DACH2: variants seen among roughly 807,000 people sequenced by gnomAD.
DACH2 encodes dachshund family transcription factor 2.
A neutral mutation model predicts 35.8 loss-of-function variants in DACH2; 17 were observed. The ratio of observed to expected loss-of-function variants is 0.48; its 90% CI spans 0.33 to 0.71. The LOEUF is 0.71. DACH2 is among the 30% of genes least tolerant of loss of function. DACH2 has a pLI of 0.02. For missense variants in DACH2, 469 were observed against 472.7 expected, an observed-to-expected ratio of 0.99 and a Z score of 0.07; for synonymous variants, 195 against 177.3, an observed-to-expected ratio of 1.10 and a Z score of -0.79.
chrX:86,210,542 A>T lies in DACH2; in HGVS notation c.488+61434A>T, dbSNP rs193273346. On this transcript the variant is annotated intron_variant, in intron 1 of 11. Coordinates refer to ENST00000373125, the MANE Select transcript of DACH2 (RefSeq NM_053281.3). ...ACTTTGGTTTTGCAAACTTCTGTTT[A>T]AGATTTCTTTGATAGTGAATTAAAA... Among the ~76,000 whole-genome samples the T allele has an allele frequency of 6.2e-3, 699 of 112,006 alleles. 6 individuals are homozygous for T. Among genetic ancestry groups the T allele is most frequent in the African/African-American group, 0.022 (667 of 30,887 alleles).
At chrX:86,605,667 T>C (rs371390625) in intron 3 of DACH2, among the ~76,000 whole-genome samples, 29 of 111,268 alleles carry the variant, frequency 2.6e-4, no homozygotes, top group East Asian at 2.5e-3. Context: ...TTGTTTTTCT[T>C]ATTCCAATTA....
At chrX:86,628,717 A>G (rs1163859736) in intron 3 of DACH2, among the ~76,000 whole-genome samples, 1 of 112,145 alleles carries the variant, frequency 8.9e-6, no homozygotes, top group Non-Finnish European at 1.9e-5. Context: ...GCAACAGAGC[A>G]TGACACTGGT....
chrX:86,779,210 A>C, intron 7 of DACH2, among the ~76,000 whole-genome samples: 1 of 112,097 alleles, frequency 8.9e-6, no homozygotes, highest in Non-Finnish European at 1.9e-5. Flanking sequence ...GTGGAGACTA[A>C]AGACATTCTA....
intron 1 of DACH2, among the ~76,000 whole-genome samples, chrX:86,170,761 C>T (rs5923492): frequency 0.29 from 32,030 of 111,278 alleles, 3,642 homozygotes; most frequent in Non-Finnish European, 0.34. Context: ...TTTATTTTGC[C>T]AAGGCTAAGC....
intron 2 of DACH2, among the ~76,000 whole-genome samples, chrX:86,486,534 G>A (rs1332925829): frequency 1.8e-5 from 2 of 110,628 alleles, no homozygotes; most frequent in Admixed American, 9.7e-5. Context: ...AATCTCCAAG[G>A]GAGATGGCCA....
At chrX:86,499,571 T>A (rs951397857) in intron 2 of DACH2, among the ~76,000 whole-genome samples, 1 of 111,893 alleles carries the variant, frequency 8.9e-6, no homozygotes, top group Non-Finnish European at 1.9e-5. Flanking sequence ...AACTCCCAAA[T>A]CTGTTGTAAC....
At chrX:86,425,483 G>A (rs994639478) in intron 2 of DACH2, among the ~76,000 whole-genome samples, 1 of 110,580 alleles carries the variant, frequency 9.0e-6, no homozygotes, top group Non-Finnish European at 1.9e-5. Context: ...GCTCATAACA[G>A]CCACTAATGA....
chrX:86,212,036 T>C (rs185302184), intron 1 of DACH2, among the ~76,000 whole-genome samples: 3 of 111,826 alleles, frequency 2.7e-5, no homozygotes, highest in East Asian at 2.8e-4. Flanking sequence ...CTGAATTGCA[T>C]TGAATGGTAT....
intron 2 of DACH2, among the ~76,000 whole-genome samples, chrX:86,483,079 G>T (rs1289515894): frequency 9.5e-6 from 1 of 105,487 alleles, no homozygotes; most frequent in Non-Finnish European, 1.9e-5. Context: ...CATGGCACAT[G>T]TATACGTATG....
chrX:86,686,586 A>G (rs1845639158), intron 4 of DACH2, among the ~76,000 whole-genome samples: 2 of 111,676 alleles, frequency 1.8e-5, no homozygotes, highest in Admixed American at 1.9e-4. Flanking sequence ...ACATAATACC[A>G]AGATAAATAT....
At chrX:86,702,490 G>A (rs780621431) in intron 5 of DACH2, among the ~76,000 whole-genome samples, 3 of 111,265 alleles carry the variant, frequency 2.7e-5, no homozygotes, top group Non-Finnish European at 5.7e-5. Context: ...GAAAAAGTTG[G>A]TTCTGTGAAA....
chrX:86,548,961 T>C (rs753207965), intron 3 of DACH2, among the ~76,000 whole-genome samples: 1 of 112,058 alleles, frequency 8.9e-6, no homozygotes, highest in East Asian at 2.8e-4. Context: ...GGAGCATTTT[T>C]TGAGTGATCT....
intron 1 of DACH2, among the ~76,000 whole-genome samples, chrX:86,368,688 G>T (rs2035841541): frequency 9.2e-6 from 1 of 108,351 alleles, no homozygotes; most frequent in African/African-American, 3.4e-5. Context: ...TCAGCCTCCT[G>T]AGTATCTAGG....
chrX:86,741,144 C>T (rs1382504083), intron 7 of DACH2, among the ~76,000 whole-genome samples: 1 of 111,590 alleles, frequency 9.0e-6, no homozygotes, highest in East Asian at 2.8e-4. Context: ...ATAGCGATTG[C>T]TTTCAGCCTT....
In DACH2 at chrX:86,571,345, G is replaced by T. The variant is rs1057503127; in HGVS notation, c.640+56954G>T. 9.1e-5 allele frequency among the ~76,000 whole-genome samples: 10 copies of T among 109,947 alleles called. 1 individual carries two copies. Among genetic ancestry groups the T allele is most frequent in the Non-Finnish European group, 1.1e-4 (6 of 52,628 alleles). ...AAGTTTTAGGGTACATGTGCACAAC[G>T]TGCAGGTTTGTTACATATGTATACA... is the stretch of plus-strand genomic sequence containing the variant. On this transcript the variant is annotated intron_variant, in intron 3 of 11. Transcript: ENST00000373125.
chrX:86,319,893 A>G (rs1395424967), intron 1 of DACH2, among the ~76,000 whole-genome samples: 14 of 111,791 alleles, frequency 1.3e-4, no homozygotes, highest in Non-Finnish European at 1.7e-4. Flanking sequence ...AGTAGTTATA[A>G]GATTTTTCAT....
intron 7 of DACH2, among the ~76,000 whole-genome samples, chrX:86,757,173 T>C (rs773994584): frequency 2.8e-4 from 31 of 111,699 alleles, no homozygotes; most frequent in Middle Eastern, 9.3e-3. Context: ...TATATAATAG[T>C]TGTACATATA....
At chrX:86,528,844 T>A (rs1364547080) in intron 3 of DACH2, among the ~76,000 whole-genome samples, 2 of 112,338 alleles carry the variant, frequency 1.8e-5, no homozygotes, top group African/African-American at 3.2e-5. Flanking sequence ...ATGAAGTACA[T>A]GTGAAATGCT....
rs772175497 is a variant in DACH2, at chrX:86,298,899, C to A, written c.489-77925C>A. Among the ~76,000 whole-genome samples, 194 of 111,715 alleles carry A rather than the reference C, an allele frequency of 1.7e-3. 1 individual carries two copies. The highest frequency in any genetic ancestry group is 6.2e-3 in the African/African-American group (191 of 30,860). On this transcript the variant is annotated intron_variant, in intron 1 of 11. Transcript: ENST00000373125. ...AATTTTCATAATAGTTTGAAGAAAA[C>A]CACAGTGAAGTTTAAAATTTGTTGT...
Sources: gnomAD v4.1 joint callset for allele counts (sites outside exome capture counted in the v4.1 genomes callset) on GRCh38, gnomAD v4.1.1 for gene constraint, MANE v1.5 for transcripts, NCBI Gene and HGNC (gene_info 2026-07-23, HGNC 2026-07-21) for gene names.